Variants in VPS29 observed in about 807,000 individuals in gnomAD.
VPS29 encodes vacuolar protein sorting-associated protein 29.
In VPS29, 2 loss-of-function variants were observed where a neutral mutation model predicts 20.0. That is an observed-to-expected ratio of 0.10 (90% confidence interval 0.04 to 0.31). VPS29 has a LOEUF of 0.31. VPS29 is among the 10% of genes least tolerant of loss of function. The pLI, the probability that VPS29 is intolerant of heterozygous loss-of-function variation, is 1.00. For synonymous variants in VPS29, 81 were observed against 79.3 expected (o/e 1.02, Z -0.12); for missense variants, 120 against 215.3 (o/e 0.56, Z 2.77).
intron 1 of VPS29, chr12:110,496,421 T>C (rs989654616): frequency 4.0e-5 from 17 of 427,110 alleles, no homozygotes; most frequent in Non-Finnish European, 2.1e-5. Flanking sequence ...CATCATTGAT[T>C]GTATCATGAC....
chr12:110,498,954 C>G (rs760541813), intron 1 of VPS29: 167 of 501,202 alleles, frequency 3.3e-4, no homozygotes, highest in Middle Eastern at 3.2e-3. Flanking sequence ...AGAAGAAGAA[C>G]AACAACAACA....
intron 1 of VPS29, chr12:110,499,420 C>G: frequency 2.1e-6 from 3 of 1,457,474 alleles, no homozygotes; most frequent in Non-Finnish European, 1.8e-6. Context: ...CCAACCCAAT[C>G]AAAGCATGGG....
At chr12:110,497,679 T>C (rs1447160618) in intron 1 of VPS29, among the ~76,000 whole-genome samples, 1 of 151,322 alleles carries the variant, frequency 6.6e-6, no homozygotes, top group African/African-American at 2.4e-5. Flanking sequence ...ATACTTGAGG[T>C]CAGGAGTTCG....
At chr12:110,500,332 A>G (rs1202974668) in intron 1 of VPS29, among the ~76,000 whole-genome samples, 7 of 152,194 alleles carry the variant, frequency 4.6e-5, no homozygotes, top group Admixed American at 4.6e-4. Flanking sequence ...CATATGAAAA[A>G]TGATGTTCCA....
intron 2 of VPS29, among the ~76,000 whole-genome samples, chr12:110,494,536 G>A (rs984213358): frequency 7.9e-5 from 12 of 151,752 alleles, no homozygotes; most frequent in Non-Finnish European, 1.6e-4. Flanking sequence ...TTACAGGCGT[G>A]AGCCACCGCA....
intron 1 of VPS29, chr12:110,501,774 G>A: frequency 2.8e-6 from 3 of 1,076,348 alleles, no homozygotes; most frequent in Non-Finnish European, 4.1e-6. Flanking sequence ...TGCGTGTCTC[G>A]TGACAGGTCG....
At chr12:110,501,491 C>CA in intron 1 of VPS29, 1 of 1,535,496 alleles carries the variant, frequency 6.5e-7, no homozygotes, top group Non-Finnish European at 8.7e-7. Context: ...CCTCTGAGAG[C>CA]ACACCTGCTC....
intron 1 of VPS29, 94 bp downstream of exon 1, chr12:110,501,955 T>TC: frequency 6.2e-7 from 1 of 1,610,210 alleles, no homozygotes; most frequent in South Asian, 1.1e-5. Context: ...CTCCGGGATT[T>TC]CCCAATTCCT....
Position 110,491,670 on chromosome 12 carries a change from C to G in VPS29, c.*335G>C, listed in dbSNP as rs1469517683. The G allele has an allele frequency of 5.4e-6, 1 of 185,556 alleles. No homozygotes were observed. The highest frequency in any genetic ancestry group is 2.4e-5 in the African/African-American group (1 of 42,010). The allele number at this position is 185,556 out of a possible 1,614,324, so 11.5% of individuals were successfully genotyped here. ...TTACTGGAGAAGAGAAAAATGTATA[C>G]AAGAAAGTCTAGATTCTTTCTCCAC... is the stretch of plus-strand genomic sequence containing the variant. On this transcript the variant is annotated 3_prime_UTR_variant, in exon 4 of 4. Coordinates refer to ENST00000549578, the MANE Select transcript of VPS29 (RefSeq NM_016226.5).
chr12:110,499,657 A>AC, intron 1 of VPS29: 1 of 792,578 alleles, frequency 1.3e-6, no homozygotes, highest in Non-Finnish European at 2.1e-6. Flanking sequence ...AAAAAAGAGA[A>AC]CAAAAAACCC....
intron 3 of VPS29, among the ~76,000 whole-genome samples, chr12:110,492,679 A>G (rs1238398193): frequency 1.3e-5 from 2 of 150,590 alleles, no homozygotes; most frequent in East Asian, 3.9e-4. Context: ...TGGAGTACAG[A>G]GCCTCAAACG....
intron 1 of VPS29, among the ~76,000 whole-genome samples, chr12:110,497,207 C>CTT (rs71083128): frequency 0.013 from 1,027 of 77,222 alleles, 117 homozygotes; most frequent in African/African-American, 0.038. Context: ...AAATTTCTTT[C>CTT]TTTTTTTTTT....
At chr12:110,501,559 C>T in intron 1 of VPS29, 6 of 1,535,364 alleles carry the variant, frequency 3.9e-6, no homozygotes, top group Non-Finnish European at 5.2e-6. Flanking sequence ...ATTCCCTTTC[C>T]CTAGATGGCA....
chr12:110,500,767 T>C (rs1310668346), intron 1 of VPS29, among the ~76,000 whole-genome samples: 2 of 152,154 alleles, frequency 1.3e-5, no homozygotes, highest in African/African-American at 2.4e-5. Context: ...TTTTTTTTTT[T>C]TGAGCAGCAG....
rs1384916395 is a variant in VPS29 at position 110,493,060 on chromosome 12, C to G, written c.367G>C (p.Glu123Gln). Residue 123 changes from glutamate to glutamine, a missense_variant, in exon 3 of 4, where the codon GAG becomes CAG. Glu to Gln is a conservative substitution (Grantham distance 29). Coordinates refer to ENST00000549578, the MANE Select transcript of VPS29 (RefSeq NM_016226.5). ...SGHTHKFEAF[E>Q]HENKFYINPG... ...TTAATGTAGAATTTATTTTCATGCTCAAATGCTTCAAATTTGTGTGTGTGT... is the reference window on the plus strand; with the variant it reads ...TTAATGTAGAATTTATTTTCATGCTGAAATGCTTCAAATTTGTGTGTGTGT... 1.2e-6 allele frequency: 2 copies of G among 1,613,926 alleles called. No homozygotes were observed. The highest frequency in any genetic ancestry group is 1.3e-5 in the African/African-American group (1 of 74,918).
At chr12:110,501,346 AG>A (rs2063034709) in intron 1 of VPS29, 1 of 1,530,612 alleles carries the variant, frequency 6.5e-7, no homozygotes, top group African/African-American at 1.4e-5. Context: ...CACTCTCCCC[AG>A]AAAAATGTGT....
At chr12:110,495,285 C>T (rs371112220) in intron 2 of VPS29, among the ~76,000 whole-genome samples, 8 of 152,156 alleles carry the variant, frequency 5.3e-5, no homozygotes, top group South Asian at 2.1e-4. Context: ...AAAAGGATCA[C>T]GCTGGTTGCT....
rs916858285 is a variant in VPS29, at chr12:110,499,357, T to A, written c.3+2692A>T. ...GATAGACATAGATGATAGAGTCCTTTAAGAAAGCAAAAGATCCTGGAAATG... is the reference window on the plus strand; with the variant it reads ...GATAGACATAGATGATAGAGTCCTTAAAGAAAGCAAAAGATCCTGGAAATG... On this transcript the variant is annotated intron_variant, in intron 1 of 3. Coordinates refer to ENST00000549578, the MANE Select transcript of VPS29 (RefSeq NM_016226.5). 60 of 893,430 alleles carry A rather than the reference T, an allele frequency of 6.7e-5. 1 individual carries two copies. The Admixed American group carries it at 1.9e-3, about 29-fold the overall frequency. The allele number at this position is 893,430 out of a possible 1,614,324, so 55.3% of individuals were successfully genotyped here.
At chr12:110,497,904 T>G (rs900040951) in intron 1 of VPS29, among the ~76,000 whole-genome samples, 1 of 150,948 alleles carries the variant, frequency 6.6e-6, no homozygotes, top group Non-Finnish European at 1.5e-5. Context: ...GGCAGCAGAG[T>G]GAGACTCTGT....
Sources: allele counts gnomAD v4.1 joint callset (sites outside exome capture counted in the v4.1 genomes callset), GRCh38; gene constraint gnomAD v4.1.1; transcripts MANE v1.5; gene names NCBI Gene and HGNC (gene_info 2026-07-23, HGNC 2026-07-21).